The following PDE3A variants were observed in gnomAD, a reference collection of about 807,000 sequenced individuals.
PDE3A encodes cGMP-inhibited 3',5'-cyclic phosphodiesterase 3A.
In PDE3A, 43 loss-of-function variants were observed where a neutral mutation model predicts 98.3. That is an observed-to-expected ratio of 0.44 (90% CI 0.34 to 0.56). The LOEUF (loss-of-function observed/expected upper bound fraction) is 0.56. PDE3A is among the 20% of genes least tolerant of loss of function. The pLI, the probability that PDE3A is intolerant of heterozygous loss-of-function variation, is 0.01. For missense variants in PDE3A, 1,427 were observed against 1,440.7 expected (o/e 0.99, Z 0.15); for synonymous variants, 663 against 567.9 (o/e 1.17, Z -2.38).
At chr12:20,628,506 A>G (rs949683162) in intron 5 of PDE3A, among the ~76,000 whole-genome samples, 2 of 152,112 alleles carry the variant, frequency 1.3e-5, no homozygotes, top group Admixed American at 1.3e-4. Flanking sequence ...GCATTTTACT[A>G]AGAGTAGCTG....
At chr12:20,662,361 A>C (rs925324165) in intron 15 of PDE3A, among the ~76,000 whole-genome samples, 6 of 149,626 alleles carry the variant, frequency 4.0e-5, no homozygotes, top group Non-Finnish European at 8.9e-5. Flanking sequence ...AGTAAAAGTC[A>C]CTCTTGTTTT....
chr12:20,557,926 T>C (rs1747684955), intron 2 of PDE3A, among the ~76,000 whole-genome samples: 3 of 152,122 alleles, frequency 2.0e-5, no homozygotes, highest in Non-Finnish European at 2.9e-5. Flanking sequence ...AATGAAGGGA[T>C]TAAATTAACA....
At position 20,385,365 on chromosome 12, in the gene PDE3A, G is replaced by A. The variant is rs1943736408; in HGVS notation, c.960+15121G>A. Among the ~76,000 whole-genome samples the A allele has an allele frequency of 4.6e-5, 7 of 152,102 alleles. No individual in the cohort carries two copies. In the South Asian group the frequency reaches 1.4e-3, roughly 32 times the overall value. ...GGGACTGTAAACTAGTTCAACCATT[G>A]TGGAAGACAGTGTGGCGATTCCTCA... On this transcript the variant is annotated intron_variant, in intron 1 of 15. Coordinates refer to ENST00000359062, the MANE Select transcript of PDE3A (RefSeq NM_000921.5).
chr12:20,504,565 C>G (rs564354087), intron 1 of PDE3A, among the ~76,000 whole-genome samples: 5 of 152,098 alleles, frequency 3.3e-5, no homozygotes, highest in African/African-American at 9.6e-5. Flanking sequence ...ATGGACCATA[C>G]GGAGCTAAAA....
intron 1 of PDE3A, among the ~76,000 whole-genome samples, chr12:20,542,320 C>T (rs1457493990): frequency 2.0e-5 from 3 of 151,878 alleles, no homozygotes; most frequent in Non-Finnish European, 4.4e-5. Flanking sequence ...ACACCAATTA[C>T]TGAGATATAT....
intron 1 of PDE3A, among the ~76,000 whole-genome samples, chr12:20,428,184 G>T (rs1308696276): frequency 1.3e-5 from 2 of 152,048 alleles, no homozygotes; most frequent in African/African-American, 4.8e-5. Flanking sequence ...TCCCAGAAGA[G>T]TAAAATCTCT....
At chr12:20,639,741 C>A in intron 9 of PDE3A, 105 bp from the exon 10 acceptor site, 1 of 585,590 alleles carries the variant, frequency 1.7e-6, no homozygotes, top group Non-Finnish European at 3.1e-6. Flanking sequence ...TTTGAAAAGG[C>A]ATTTAATGTT....
Position 20,370,282 on chromosome 12 carries a change from T to C in PDE3A, c.960+38T>C, listed in dbSNP as rs759379294. On this transcript the variant is annotated intron_variant, in intron 1 of 15. Coordinates refer to ENST00000359062, the MANE Select transcript of PDE3A (RefSeq NM_000921.5). ...AACTCCTCTCTCGGCTCTTGGAAAC[T>C]TGAAACACTTGGCAACCGGCGCAGA... The C allele has an allele frequency of 4.7e-6, 7 of 1,481,312 alleles. No individual in the cohort carries two copies. In the East Asian group the frequency reaches 6.9e-5, roughly 15 times the overall value. 91.8% of individuals were successfully genotyped at this position (1,481,312 alleles called of 1,614,324 possible). A position where few individuals can be genotyped will look rare whatever the true frequency, so the allele number is the denominator to read the frequency against.
chr12:20,385,903 C>T (rs1475525218), intron 1 of PDE3A, among the ~76,000 whole-genome samples: 14 of 140,566 alleles, frequency 1.0e-4, no homozygotes, highest in African/African-American at 2.7e-4. Flanking sequence ...CAAAGCTGCA[C>T]GTTGTGTACA....
intron 1 of PDE3A, among the ~76,000 whole-genome samples, chr12:20,540,741 A>G (rs933402891): frequency 1.3e-5 from 2 of 152,060 alleles, no homozygotes; most frequent in African/African-American, 2.4e-5. Flanking sequence ...ATAGGAAACT[A>G]AAGAATTTTT....
chr12:20,516,167 G>T (rs947566411), intron 1 of PDE3A, among the ~76,000 whole-genome samples: 2 of 152,050 alleles, frequency 1.3e-5, no homozygotes, highest in African/African-American at 4.8e-5. Context: ...GTGAAGACAA[G>T]CATACTTTTT....
At chr12:20,613,850 T>G (rs1943932502) in intron 3 of PDE3A, 150 bp downstream of exon 3, 3 of 612,328 alleles carry the variant, frequency 4.9e-6, no homozygotes, top group East Asian at 5.5e-5. Context: ...GTAATAAATA[T>G]TTAAACATAA....
At chr12:20,419,547 A>T (rs571886481) in intron 1 of PDE3A, among the ~76,000 whole-genome samples, 39 of 151,958 alleles carry the variant, frequency 2.6e-4, no homozygotes, top group African/African-American at 9.2e-4. Context: ...GCTTTTCAAA[A>T]TATCGAGTTT....
chr12:20,454,182 C>A (rs576960816), intron 1 of PDE3A, among the ~76,000 whole-genome samples: 1 of 152,158 alleles, frequency 6.6e-6, no homozygotes, highest in Admixed American at 6.6e-5. Flanking sequence ...TGCTTGAACC[C>A]GTTAAGCATA....
At position 20,682,713 on chromosome 12, in the gene PDE3A, T is replaced by C. The variant is rs1016683974; in HGVS notation, c.*2442T>C. On this transcript the variant is annotated 3_prime_UTR_variant, in exon 16 of 16. Transcript: ENST00000359062. ...AGTGAATTTAACTATTTTTCTTTCC[T>C]TGCAATTAAGGGGAAAAAAGCATTT... The C allele has an allele frequency of 1.3e-5, 2 of 152,216 alleles. No individual in the cohort carries two copies. The highest frequency in any genetic ancestry group is 4.8e-5 in the African/African-American group (2 of 41,444). 9.4% of individuals were successfully genotyped at this position (152,216 alleles called of 1,614,324 possible).
At chr12:20,583,011 CT>C (rs1010113628) in intron 2 of PDE3A, among the ~76,000 whole-genome samples, 16 of 152,152 alleles carry the variant, frequency 1.1e-4, no homozygotes, top group African/African-American at 3.9e-4. Context: ...TTATCCTTCA[CT>C]TTTTCCCTTC....
chr12:20,490,892 C>T (rs1945814566), intron 1 of PDE3A, among the ~76,000 whole-genome samples: 1 of 151,968 alleles, frequency 6.6e-6, no homozygotes, highest in Non-Finnish European at 1.5e-5. Flanking sequence ...TCACTTGAGG[C>T]CGGGGAGTTT....
intron 3 of PDE3A, 91 bp downstream of exon 3, chr12:20,613,791 A>G (rs1282096454): frequency 3.2e-6 from 3 of 945,330 alleles, no homozygotes; most frequent in Non-Finnish European, 4.9e-6. Context: ...CTCCATCTGC[A>G]GATTCATATC....
At position 20,370,255 on chromosome 12, in the gene PDE3A, G is replaced by A. The variant is rs771639967; in HGVS notation, c.960+11G>A. ...ATACCGAGGGAACAGGTAAGCACTG[G>A]CAACTCCTCTCTCGGCTCTTGGAAA... On this transcript the variant is annotated intron_variant, in intron 1 of 15. Coordinates refer to ENST00000359062, the MANE Select transcript of PDE3A (RefSeq NM_000921.5). 20 of 1,513,418 alleles carry A rather than the reference G, an allele frequency of 1.3e-5. No homozygotes were observed. Among genetic ancestry groups the A allele is most frequent in the South Asian group, 8.0e-5 (6 of 74,808 alleles). The allele number at this position is 1,513,418 out of a possible 1,614,324, so 93.7% of individuals were successfully genotyped here. A position where few individuals can be genotyped will look rare whatever the true frequency, so the allele number is the denominator to read the frequency against.
Sources: gnomAD v4.1 joint callset for allele counts (sites outside exome capture counted in the v4.1 genomes callset) on GRCh38, gnomAD v4.1.1 for gene constraint, MANE v1.5 for transcripts, NCBI Gene and HGNC (gene_info 2026-07-23, HGNC 2026-07-21) for gene names.